The following KY variants were observed in gnomAD, a reference collection of about 807,000 sequenced individuals.
KY encodes the protein kyphoscoliosis peptidase.
A neutral mutation model predicts 76.1 loss-of-function variants in KY; 43 were observed. That is an observed-to-expected ratio of 0.57 (90% CI 0.44 to 0.73). The LOEUF (loss-of-function observed/expected upper bound fraction) is 0.73, where lower values mean the gene tolerates loss of function less well. Among genes scored for constraint, KY ranks in the 30% least tolerant of loss-of-function variants. KY has a pLI of 0.00. For missense variants in KY, 722 were observed against 828.9 expected, an observed-to-expected ratio of 0.87 and a Z score of 1.58; for synonymous variants, 277 against 326.2, an observed-to-expected ratio of 0.85 and a Z score of 1.63.
intron 9 of KY, among the ~76,000 whole-genome samples, chr3:134,609,809 A>C (rs1960028900): frequency 6.6e-6 from 1 of 152,200 alleles, no homozygotes; most frequent in Admixed American, 6.5e-5. Context: ...AAGCAGTAAG[A>C]GATCATTCTG....
rs1011494730 is a variant in KY at position 134,648,609 on chromosome 3, G to A, written c.137-1112C>T. Among the ~76,000 whole-genome samples, 3 of 152,166 alleles carry A rather than the reference G, an allele frequency of 2.0e-5. No individual in the cohort carries two copies. The South Asian group carries it at 6.2e-4, about 32-fold the overall frequency. ...GGGAAATGACTGGGAGGCTGCTAGGGCCTTACAGAAATGGGAGAGAACATC... is the reference window on the plus strand; with the variant it reads ...GGGAAATGACTGGGAGGCTGCTAGGACCTTACAGAAATGGGAGAGAACATC... On this transcript the variant is annotated intron_variant, in intron 1 of 10. Coordinates refer to ENST00000423778, the MANE Select transcript of KY (RefSeq NM_178554.6).
chr3:134,606,742 G>A (rs1224909216), intron 10 of KY, among the ~76,000 whole-genome samples: 1 of 152,006 alleles, frequency 6.6e-6, no homozygotes, highest in Admixed American at 6.6e-5. Flanking sequence ...TGAATGACTG[G>A]GAAGACTTGA....
chr3:134,612,678 G>A (rs1390757349), intron 8 of KY, among the ~76,000 whole-genome samples: 3 of 151,796 alleles, frequency 2.0e-5, no homozygotes. Context: ...AGTGAGCTAA[G>A]CAGTGCCCCT....
rs1318305674 is a variant in KY at position 134,600,884 on chromosome 3, C to A, written c.*2695G>T. On this transcript the variant is annotated 3_prime_UTR_variant, in exon 11 of 11. Transcript: ENST00000423778. The stretch of plus-strand genomic sequence containing the variant: ...TGTCCTCCGTGTACACATAAGGTAG[C>A]GCTGAGAAGCCACGAGAAAGCACCT... 6.6e-6 allele frequency: 1 copy of A among 152,188 alleles called. No homozygotes were observed. Among genetic ancestry groups the A allele is most frequent in the Admixed American group, 6.5e-5 (1 of 15,276 alleles). 9.4% of individuals were successfully genotyped at this position (152,188 alleles called of 1,614,324 possible). A position where few individuals can be genotyped will look rare whatever the true frequency, so the allele number is the denominator to read the frequency against.
At chr3:134,612,751 CTGTGTGTGTGTGTG>C (rs35084772) in intron 8 of KY, among the ~76,000 whole-genome samples, 34 of 125,486 alleles carry the variant, frequency 2.7e-4, no homozygotes, top group Middle Eastern at 7.7e-3. Context: ...CACGCCGATG[CTGTGTGTGTGTGTG>C]TGTGTGTGTG....
intron 3 of KY, among the ~76,000 whole-genome samples, chr3:134,639,091 A>C (rs1965384696): frequency 1.7e-5 from 2 of 120,940 alleles, no homozygotes. Flanking sequence ...TTTTTCCTGC[A>C]GTAGCTTAGA....
chr3:134,602,826 G>GACCC lies in KY; in HGVS notation c.*752_*753insGGGT, dbSNP rs1456720010. ...CCAAGGCTGCAGCTCTGCCGACAGT[G>GACCC]TCCCTCCCACCTGCACAGCCACAGC... On this transcript the variant is annotated 3_prime_UTR_variant, in exon 11 of 11. Coordinates refer to ENST00000423778, the MANE Select transcript of KY (RefSeq NM_178554.6). Among the ~76,000 whole-genome samples the GACCC allele has an allele frequency of 6.6e-6, 1 of 152,212 alleles. No individual in the cohort carries two copies. The highest frequency in any genetic ancestry group is 1.5e-5 in the Non-Finnish European group (1 of 68,040).
At chr3:134,647,200 T>G (rs1383443725) in intron 2 of KY, among the ~76,000 whole-genome samples, 1 of 152,158 alleles carries the variant, frequency 6.6e-6, no homozygotes, top group Non-Finnish European at 1.5e-5. Flanking sequence ...AAATGGGTGC[T>G]CAAGTTCCTG....
intron 3 of KY, among the ~76,000 whole-genome samples, chr3:134,642,865 A>G (rs1370244226): frequency 6.6e-6 from 1 of 152,216 alleles, no homozygotes; most frequent in Non-Finnish European, 1.5e-5. Flanking sequence ...TCTTGAACAC[A>G]TGACAGCCTT....
chr3:134,631,715 A>G (rs942747222), intron 3 of KY, among the ~76,000 whole-genome samples: 1 of 152,104 alleles, frequency 6.6e-6, no homozygotes, highest in African/African-American at 2.4e-5. Flanking sequence ...TATTATGGAG[A>G]TATAGTAAAA....
At chr3:134,642,403 A>T (rs1965875587) in intron 3 of KY, among the ~76,000 whole-genome samples, 1 of 152,206 alleles carries the variant, frequency 6.6e-6, no homozygotes, top group Non-Finnish European at 1.5e-5. Context: ...GAATACTCAG[A>T]CACCAGGGCC....
chr3:134,628,370 G>A (rs1216832483), intron 4 of KY, among the ~76,000 whole-genome samples: 1 of 152,162 alleles, frequency 6.6e-6, no homozygotes, highest in Non-Finnish European at 1.5e-5. Context: ...TAGACTCCCT[G>A]GGCAAAAGGA....
Position 134,643,307 on chromosome 3 carries a change from A to C in KY, c.262+9T>G, listed in dbSNP as rs754853872. The C allele has an allele frequency of 6.2e-7, 1 of 1,613,704 alleles. No individual in the cohort carries two copies. Among genetic ancestry groups the C allele is most frequent in the Non-Finnish European group, 8.5e-7 (1 of 1,179,822 alleles). On this transcript the variant is annotated intron_variant, in intron 3 of 10. Coordinates refer to ENST00000423778, the MANE Select transcript of KY (RefSeq NM_178554.6). ...CAGGGGAGGTCACGGCTAGCGGCGA[A>C]TCACTTACCTTGGCTGTTGTAGGAA...
chr3:134,650,789 C>CGG, intron 1 of KY, 36 bp downstream of exon 1: 1 of 1,534,162 alleles, frequency 6.5e-7, no homozygotes, highest in Non-Finnish European at 8.8e-7. Context: ...GCCAAGGTGC[C>CGG]GGGGGACCCG....
At position 134,610,295 on chromosome 3, in the gene KY, G is replaced by A; in HGVS notation, c.799C>T (p.His267Tyr). The change falls in exon 9 of 11, where the codon CAT (histidine) becomes TAT (tyrosine). Residue 267 changes from histidine (H) to tyrosine (Y), a missense_variant. Around this residue, in one of 2 missense-constraint regions of KY, gnomAD observed 552 missense variants for 680.9 expected, o/e 0.81. Coordinates refer to ENST00000423778, the MANE Select transcript of KY (RefSeq NM_178554.6). The stretch of plus-strand genomic sequence containing the variant: ...TCCAGGTACACAGCATTCCAGGCAT[G>A]GTCAAACTCCCCCGAGAAGCTCTGC... Reference protein sequence around the residue: ...TGQSFSGEFDHAWNAVYLEGR... With the variant: ...TGQSFSGEFDYAWNAVYLEGR... The A allele has an allele frequency of 1.2e-6, 2 of 1,613,842 alleles. No individual in the cohort carries two copies. The highest frequency in any genetic ancestry group is 1.7e-6 in the Non-Finnish European group (2 of 1,179,836).
Position 134,601,247 on chromosome 3 carries a change from T to TA in KY, c.*2331dup, listed in dbSNP as rs1407489271. 1.9e-5 allele frequency: 2 copies of TA among 104,368 alleles called. No homozygotes were observed. Among genetic ancestry groups the TA allele is most frequent in the African/African-American group, 6.3e-5 (2 of 31,724 alleles). The allele number at this position is 104,368 out of a possible 1,614,324, so 6.5% of individuals were successfully genotyped here. On this transcript the variant is annotated 3_prime_UTR_variant, in exon 11 of 11. Transcript: ENST00000423778. The stretch of plus-strand genomic sequence containing the variant: ...CAGCTGTCTTTACAAAGGGGGTGCC[T>TA]AGTTAAACGAGAGGGAGGGGCTTGC...
At chr3:134,633,673 CT>C (rs1482148120) in intron 3 of KY, among the ~76,000 whole-genome samples, 2 of 152,104 alleles carry the variant, frequency 1.3e-5, no homozygotes, top group African/African-American at 4.8e-5. Context: ...CATGGTTATG[CT>C]TTCTTCCTAA....
intron 3 of KY, among the ~76,000 whole-genome samples, chr3:134,641,835 G>C (rs563251283): frequency 2.4e-4 from 36 of 152,172 alleles, no homozygotes; most frequent in Non-Finnish European, 4.4e-4. Context: ...CTCCTCACTA[G>C]GATGTCAGCT....
At chr3:134,644,028 TG>T (rs1448560252) in intron 2 of KY, among the ~76,000 whole-genome samples, 6 of 152,062 alleles carry the variant, frequency 3.9e-5, no homozygotes, top group Admixed American at 1.3e-4. Context: ...GGTTTCACCA[TG>T]TTAGCCAGGA....
Sources: gnomAD v4.1 joint callset for allele counts (sites outside exome capture counted in the v4.1 genomes callset) on GRCh38, gnomAD v4.1.1 for gene constraint, gnomAD v4.1.1 regional missense constraint, MANE v1.5 for transcripts, NCBI Gene and HGNC (gene_info 2026-07-23, HGNC 2026-07-21) for gene names.